POLH: variants seen among roughly 807,000 people sequenced by gnomAD.
POLH encodes DNA polymerase eta, also known as DNA polymerase eta transcript.
POLH carries 53 observed loss-of-function variants against 73.6 expected under a neutral mutation model. The ratio of observed to expected loss-of-function variants is 0.72; its 90% confidence interval spans 0.58 to 0.91. POLH has a LOEUF of 0.91. Among genes scored for constraint, POLH ranks in the 40% least tolerant of loss-of-function variants. The probability of loss-of-function intolerance (pLI) is 0.00; values close to 1 mark genes in which losing one functional copy is unlikely to be tolerated. For missense variants in POLH, 768 were observed against 865.4 expected (o/e 0.89, Z 1.41); for synonymous variants, 292 against 308.5 (o/e 0.95, Z 0.56).
chr6:43,597,591 A>G, intron 4 of POLH, 105 bp from the exon 5 acceptor site: 1 of 1,114,724 alleles, frequency 9.0e-7, no homozygotes, highest in Non-Finnish European at 1.3e-6. Context: ...TTTTGTGAAA[A>G]CTTATATGTC....
intron 5 of POLH, among the ~76,000 whole-genome samples, chr6:43,598,843 C>A (rs1488750366): frequency 6.6e-6 from 1 of 152,060 alleles, no homozygotes; most frequent in Non-Finnish European, 1.5e-5. Context: ...TTGGTATCCA[C>A]TGGAGGTCTT....
At chr6:43,604,468 C>T (rs1470935005) in intron 7 of POLH, 147 bp from the exon 8 acceptor site, 11 of 776,442 alleles carry the variant, frequency 1.4e-5, no homozygotes, top group Admixed American at 1.3e-4. Context: ...GCAGGGGTTT[C>T]GTCAGAGGTC....
chr6:43,582,485 T>C, intron 2 of POLH, 29 bp downstream of exon 2: 1 of 1,608,072 alleles, frequency 6.2e-7, no homozygotes. Context: ...GTCACAACTA[T>C]TCAATGGTAA....
intron 10 of POLH, among the ~76,000 whole-genome samples, chr6:43,612,653 GTAA>G (rs1290486968): frequency 6.6e-6 from 1 of 150,958 alleles, no homozygotes; most frequent in Non-Finnish European, 1.5e-5. Flanking sequence ...GGCCAATAGT[GTAA>G]TAATAACTTT....
At chr6:43,603,509 G>A (rs894243295) in intron 6 of POLH, among the ~76,000 whole-genome samples, 1 of 151,884 alleles carries the variant, frequency 6.6e-6, no homozygotes, top group Non-Finnish European at 1.5e-5. Context: ...CAATCTTCCC[G>A]CCTTGGCCTC....
intron 4 of POLH, among the ~76,000 whole-genome samples, chr6:43,590,291 G>A (rs925918082): frequency 2.0e-5 from 3 of 151,650 alleles, no homozygotes; most frequent in African/African-American, 7.3e-5. Flanking sequence ...CCGGAAGGAG[G>A]AGGATGCAGT....
At chr6:43,581,828 G>T (rs1764296570) in intron 1 of POLH, among the ~76,000 whole-genome samples, 1 of 151,162 alleles carries the variant, frequency 6.6e-6, no homozygotes, top group Non-Finnish European at 1.5e-5. Flanking sequence ...ACCATGGCCG[G>T]ACGGGCTCCC....
chr6:43,582,262 C>A, intron 1 of POLH, 54 bp from the exon 2 acceptor site: 5 of 1,547,032 alleles, frequency 3.2e-6, no homozygotes, highest in South Asian at 1.1e-5. Flanking sequence ...ACAGTTTTCC[C>A]TGGCATTTTG....
intron 3 of POLH, among the ~76,000 whole-genome samples, chr6:43,584,240 T>C (rs1190323842): frequency 6.6e-6 from 1 of 152,196 alleles, no homozygotes; most frequent in East Asian, 1.9e-4. Context: ...CACTATACTA[T>C]GTGTTGTGGT....
In POLH at chr6:43,587,413, G is replaced by T; in HGVS notation, c.414G>T (p.Ser138=). The part of the protein sequence containing the change: ...RLQKLQGQPI[S]ADLLPSTYIE... ...AAAAGCTACAAGGTCAGCCTATCTC[G>T]GCAGACTTGTTGCCAAGCACTTACA... The change falls in exon 4 of 11, where the codon TCG becomes TCT. Residue 138 remains serine, a synonymous_variant. Transcript: ENST00000372236. The T allele has an allele frequency of 6.2e-6, 10 of 1,614,190 alleles. No individual in the cohort carries two copies. The highest frequency in any genetic ancestry group is 7.6e-6 in the Non-Finnish European group (9 of 1,180,038).
chr6:43,613,664 C>T lies in POLH; in HGVS notation c.1249C>T (p.Pro417Ser), dbSNP rs944869995. The change falls in exon 11 of 11, where the codon CCT becomes TCT. Residue 417 changes from proline to serine, a missense_variant. Physicochemically the swap from Pro to Ser is moderately conservative, Grantham distance 74 (BLOSUM62 -1). Transcript: ENST00000372236. ...ATTTCTTTACTTTCTGTATAGGTCT[C>T]CTCCTCTCACAATGCTTTTCCTCTG... The part of the protein sequence containing the change: ...NTSGIQTEWS[P>S]PLTMLFLCAT... The T allele has an allele frequency of 1.9e-6, 3 of 1,611,798 alleles. No individual in the cohort carries two copies. The Admixed American group carries it at 5.0e-5, about 27-fold the overall frequency.
chr6:43,602,027 T>C (rs1200141574), intron 6 of POLH, among the ~76,000 whole-genome samples: 1 of 152,292 alleles, frequency 6.6e-6, no homozygotes, highest in East Asian at 1.9e-4. Context: ...CCTTGCACTC[T>C]AGCCTGGGTG....
At chr6:43,597,517 C>T (rs578252855) in intron 4 of POLH, among the ~76,000 whole-genome samples, 179 bp from the exon 5 acceptor site, 21 of 152,288 alleles carry the variant, frequency 1.4e-4, no homozygotes, top group Non-Finnish European at 2.5e-4. Flanking sequence ...AGCTAAGCTG[C>T]GGGAACACTC....
In POLH at chr6:43,582,399, C is replaced by G; in HGVS notation, c.80C>G (p.Pro27Arg). The G allele has an allele frequency of 6.2e-7, 1 of 1,614,056 alleles. No individual in the cohort carries two copies. Among genetic ancestry groups the G allele is most frequent in the Non-Finnish European group, 8.5e-7 (1 of 1,179,934 alleles). Residue 27 changes from proline to arginine, a missense_variant, in exon 2 of 11, where the codon CCT (proline) becomes CGT (arginine). Physicochemically the swap from Pro to Arg is moderately radical, Grantham distance 103. Coordinates refer to ENST00000372236, the MANE Select transcript of POLH (RefSeq NM_006502.3). Reference sequence around the variant, plus strand: ...GTTCAAGTGGAGCAGCGGCAAAATCCTCATTTGAGGAATAAACCTTGTGCA... The same window carrying G: ...GTTCAAGTGGAGCAGCGGCAAAATCGTCATTTGAGGAATAAACCTTGTGCA... Reference protein sequence around the residue: ...FFVQVEQRQNPHLRNKPCAVV... With the variant: ...FFVQVEQRQNRHLRNKPCAVV...
At position 43,620,294 on chromosome 6, in the gene POLH, A is replaced by G. The variant is rs1768628482; in HGVS notation, c.*5737A>G. On this transcript the variant is annotated 3_prime_UTR_variant, in exon 11 of 11. Transcript: ENST00000372236. Reference sequence around the variant, plus strand: ...ATTCTGCTCACTTGAACTACGGAAAATAGGCCACAATACTTGGTTACAATA... The same window carrying G: ...ATTCTGCTCACTTGAACTACGGAAAGTAGGCCACAATACTTGGTTACAATA... 1.9e-6 allele frequency: 1 copy of G among 517,078 alleles called. No homozygotes were observed. Among genetic ancestry groups the G allele is most frequent in the East Asian group, 5.5e-5 (1 of 18,244 alleles). 32.0% of individuals were successfully genotyped at this position (517,078 alleles called of 1,614,324 possible). A position where few individuals can be genotyped will look rare whatever the true frequency, so the allele number is the denominator to read the frequency against.
intron 5 of POLH, among the ~76,000 whole-genome samples, chr6:43,598,201 C>CAAAAAAAAAAAA (rs560020212): frequency 8.2e-5 from 6 of 73,328 alleles, no homozygotes; most frequent in African/African-American, 3.0e-4. Flanking sequence ...AGACTGTCAC[C>CAAAAAAAAAAAA]AAAAAAAAAA....
intron 6 of POLH, 119 bp from the exon 7 acceptor site, chr6:43,603,773 A>G: frequency 2.1e-6 from 2 of 934,626 alleles, no homozygotes; most frequent in Admixed American, 1.8e-5. Flanking sequence ...CCCAGAATAT[A>G]TGCTCTCATT....
intron 9 of POLH, among the ~76,000 whole-genome samples, chr6:43,610,056 CTTTTTTTT>C (rs1297780442): frequency 4.1e-5 from 4 of 98,498 alleles, no homozygotes; most frequent in Non-Finnish European, 8.0e-5. Context: ...TATATAGATT[CTTTTTTTT>C]TTTTTTTTTT....
rs370763770 is a variant in POLH at position 43,598,065 on chromosome 6, C to T, written c.660+200C>T. On this transcript the variant is annotated intron_variant, in intron 5 of 10. Transcript: ENST00000372236. Reference sequence around the variant, plus strand: ...CAGTCTCTACAAAAAATTAGCCAGGCGTGGTGGTGTACACCTACAGTCCCA... The same window carrying T: ...CAGTCTCTACAAAAAATTAGCCAGGTGTGGTGGTGTACACCTACAGTCCCA... Among the ~76,000 whole-genome samples the T allele has an allele frequency of 1.4e-4, 22 of 151,800 alleles. No homozygotes were observed. The East Asian group carries it at 3.7e-3, about 26-fold the overall frequency.
Sources: gnomAD v4.1 joint callset for allele counts (sites outside exome capture counted in the v4.1 genomes callset) on GRCh38, gnomAD v4.1.1 for gene constraint, MANE v1.5 for transcripts, NCBI Gene and HGNC (gene_info 2026-07-23, HGNC 2026-07-21) for gene names.